ATXN1: variants seen among roughly 807,000 people sequenced by gnomAD.
The protein encoded by ATXN1 is ataxin 1.
In ATXN1, 8 loss-of-function variants were observed where a neutral mutation model predicts 56.4. That is an observed-to-expected ratio of 0.14 (90% CI 0.08 to 0.26). The LOEUF is 0.26. Ranked by LOEUF, ATXN1 falls within the 10% of genes least tolerant of loss-of-function variation. ATXN1 has a pLI of 1.00. For missense variants in ATXN1, 987 were observed against 1,106.5 expected (o/e 0.89, Z 1.53); for synonymous variants, 514 against 494.6 (o/e 1.04, Z -0.52).
At chr6:16,347,868 G>A (rs1581705505) in intron 6 of ATXN1, among the ~76,000 whole-genome samples, 1 of 151,794 alleles carries the variant, frequency 6.6e-6, no homozygotes, top group Non-Finnish European at 1.5e-5. Context: ...TCCACACTGT[G>A]GAAGCTTTGT....
At chr6:16,676,815 T>C (rs1341442480) in intron 2 of ATXN1, among the ~76,000 whole-genome samples, 1 of 152,190 alleles carries the variant, frequency 6.6e-6, no homozygotes, top group Admixed American at 6.5e-5. Flanking sequence ...AAAACTGACC[T>C]CTACTCTGGA....
intron 2 of ATXN1, among the ~76,000 whole-genome samples, chr6:16,698,950 AG>A: frequency 6.6e-6 from 1 of 152,378 alleles, no homozygotes; most frequent in East Asian, 1.9e-4. Flanking sequence ...ATTTTTTAAA[AG>A]GCAGAAAATC....
chr6:16,371,963 T>A (rs893052018), intron 6 of ATXN1, among the ~76,000 whole-genome samples: 8 of 152,198 alleles, frequency 5.3e-5, no homozygotes, highest in African/African-American at 1.9e-4. Flanking sequence ...CTTTCTCTAC[T>A]GGATCATGTG....
At chr6:16,514,832 A>C (rs980351825) in intron 5 of ATXN1, among the ~76,000 whole-genome samples, 1 of 151,790 alleles carries the variant, frequency 6.6e-6, no homozygotes, top group South Asian at 2.1e-4. Context: ...AAATACAAAA[A>C]ATTAGCCAGG....
chr6:16,498,146 C>T (rs1240381760), intron 5 of ATXN1, among the ~76,000 whole-genome samples: 1 of 152,160 alleles, frequency 6.6e-6, no homozygotes, highest in Non-Finnish European at 1.5e-5. Flanking sequence ...CACTCCCTGT[C>T]CCCCACTCCT....
intron 6 of ATXN1, among the ~76,000 whole-genome samples, chr6:16,419,044 A>G (rs1440189183): frequency 1.3e-5 from 2 of 152,094 alleles, no homozygotes; most frequent in African/African-American, 4.8e-5. Flanking sequence ...ACCCACCCTA[A>G]GCCCCAATTT....
chr6:16,515,155 C>T (rs1028212267), intron 5 of ATXN1, among the ~76,000 whole-genome samples: 1 of 152,068 alleles, frequency 6.6e-6, no homozygotes, highest in Non-Finnish European at 1.5e-5. Flanking sequence ...GTGTCCTCCA[C>T]ATCGGTCCCT....
chr6:16,305,024 G>T lies in ATXN1; in HGVS notation c.*1305C>A, dbSNP rs755350712. ...CACATTCATCCCTTTAAACCACATTGAAACTTTCAATATCTTGCTCTTCAG... is the reference window on the plus strand; with the variant it reads ...CACATTCATCCCTTTAAACCACATTTAAACTTTCAATATCTTGCTCTTCAG... On this transcript the variant is annotated 3_prime_UTR_variant, in exon 8 of 8. Transcript: ENST00000436367. 1 of 152,522 alleles carries T rather than the reference G, an allele frequency of 6.6e-6. No homozygotes were observed. The highest frequency in any genetic ancestry group is 2.4e-5 in the African/African-American group (1 of 41,408). 9.4% of individuals were successfully genotyped at this position (152,522 alleles called of 1,614,324 possible).
In ATXN1 at chr6:16,506,456, CA is replaced by C. The variant is rs1438068994; in HGVS notation, c.-299+16170del. 1.3e-5 allele frequency among the ~76,000 whole-genome samples: 2 copies of C among 152,102 alleles called. No homozygotes were observed. Among genetic ancestry groups the C allele is most frequent in the Admixed American group, 6.5e-5 (1 of 15,276 alleles). ...TAAGACATTCTGATGGAGATCAGGCCACAAGACAGTAGTTCAGAAAAGGGTA... is the reference window on the plus strand; with the variant it reads ...TAAGACATTCTGATGGAGATCAGGCCCAAGACAGTAGTTCAGAAAAGGGTA... On this transcript the variant is annotated intron_variant, in intron 5 of 7. Transcript: ENST00000436367. This position sits in a 1 kb window ranked among gnomAD's most constrained non-coding sequence, Gnocchi z 4.1.
At chr6:16,758,195 G>A (rs1412199364) in intron 1 of ATXN1, among the ~76,000 whole-genome samples, 2 of 152,152 alleles carry the variant, frequency 1.3e-5, no homozygotes, top group Admixed American at 6.5e-5. Flanking sequence ...TATATTTTCC[G>A]AATAAGTTAT....
In ATXN1 at chr6:16,387,289, A is replaced by G. The variant is rs952121254; in HGVS notation, c.-160-58819T>C. 2.0e-5 allele frequency among the ~76,000 whole-genome samples: 3 copies of G among 152,164 alleles called. No homozygotes were observed. In the South Asian group the frequency reaches 6.2e-4, roughly 32 times the overall value. On this transcript the variant is annotated intron_variant, in intron 6 of 7. Coordinates refer to ENST00000436367, the MANE Select transcript of ATXN1 (RefSeq NM_001128164.2). ...CCTCATTAAATTGCCATTGCTCCCT[A>G]TAGGGTCATCAGAAAGCCTGGATAT...
At chr6:16,379,149 G>A (rs1762201547) in intron 6 of ATXN1, among the ~76,000 whole-genome samples, 1 of 152,200 alleles carries the variant, frequency 6.6e-6, no homozygotes, top group African/African-American at 2.4e-5. Flanking sequence ...TCTAAGTGAA[G>A]TAACTCAAGA....
chr6:16,743,094 A>G (rs1241638740), intron 2 of ATXN1, among the ~76,000 whole-genome samples: 5 of 152,348 alleles, frequency 3.3e-5, no homozygotes, highest in South Asian at 2.1e-4. Context: ...AAAAATCTTC[A>G]TATAATCGAA....
intron 2 of ATXN1, among the ~76,000 whole-genome samples, chr6:16,708,821 T>G (rs945226817): frequency 4.0e-5 from 6 of 149,612 alleles, no homozygotes; most frequent in Non-Finnish European, 8.9e-5. Context: ...AGGTCAGGAG[T>G]TCAAGACCAG....
intron 7 of ATXN1, among the ~76,000 whole-genome samples, chr6:16,319,969 A>C (rs1760609214): frequency 6.6e-6 from 1 of 152,078 alleles, no homozygotes; most frequent in African/African-American, 2.4e-5. Flanking sequence ...GTGTATTACC[A>C]ACAACTGCGG....
chr6:16,677,424 T>C (rs1216682960), intron 2 of ATXN1, among the ~76,000 whole-genome samples: 1 of 152,206 alleles, frequency 6.6e-6, no homozygotes, highest in Non-Finnish European at 1.5e-5. Flanking sequence ...ATCTAATACT[T>C]AGATAAAAAT....
intron 3 of ATXN1, among the ~76,000 whole-genome samples, chr6:16,657,332 G>A (rs369594120): frequency 2.0e-4 from 31 of 152,134 alleles, no homozygotes; most frequent in Non-Finnish European, 1.6e-4. Context: ...GTGATCTGTC[G>A]TTGACTGAAA....
intron 4 of ATXN1, among the ~76,000 whole-genome samples, chr6:16,555,313 C>G (rs1451095113): frequency 6.6e-6 from 1 of 152,148 alleles, no homozygotes; most frequent in African/African-American, 2.4e-5. Context: ...TGTACAACAT[C>G]TCATAAGTAC....
chr6:16,531,650 C>A (rs2327982), intron 4 of ATXN1, among the ~76,000 whole-genome samples: 44,252 of 150,832 alleles, frequency 0.29, 6,694 homozygotes, highest in Admixed American at 0.33. Flanking sequence ...AAAGTGCTAC[C>A]CATGTTAGAA....
Sources: gnomAD v4.1 joint callset for allele counts (sites outside exome capture counted in the v4.1 genomes callset) on GRCh38, gnomAD v4.1.1 for gene constraint, Gnocchi (gnomAD v3.1) non-coding constraint, MANE v1.5 for transcripts, NCBI Gene and HGNC (gene_info 2026-07-23, HGNC 2026-07-21) for gene names.